FLOT1: variants seen among roughly 807,000 people sequenced by gnomAD.
FLOT1 encodes flotillin 1.
FLOT1 carries 40 observed loss-of-function variants against 58.4 expected under a neutral mutation model. The ratio of observed to expected loss-of-function variants is 0.69; its 90% CI spans 0.53 to 0.89. The LOEUF (loss-of-function observed/expected upper bound fraction) is 0.89. Among genes scored for constraint, FLOT1 ranks in the 40% least tolerant of loss-of-function variants. FLOT1 has a pLI of 0.00. For synonymous variants in FLOT1, 178 were observed against 204.2 expected, an observed-to-expected ratio of 0.87 and a Z score of 1.09; for missense variants, 423 against 540.8, an observed-to-expected ratio of 0.78 and a Z score of 2.16.
rs1406802600 is a variant in FLOT1 at position 30,740,749 on chromosome 6, G to T, written c.404C>A (p.Ala135Asp). 6.2e-6 allele frequency: 10 copies of T among 1,612,828 alleles called. No individual in the cohort carries two copies. Among genetic ancestry groups the T allele is most frequent in the Non-Finnish European group, 8.5e-6 (10 of 1,179,988 alleles). The change falls in exon 6 of 13, where the codon GCC becomes GAC. Residue 135 changes from alanine (A) to aspartate (D), a missense_variant. Around this residue, in one of 6 missense-constraint regions of FLOT1, gnomAD observed 137 missense variants for 194.6 expected, o/e 0.70. Coordinates refer to ENST00000376389, the MANE Select transcript of FLOT1 (RefSeq NM_005803.4). ...GCCCATGTTGACCAGGTCTGAGGAG[G>T]CCACTTTGAAAACCTGTTCTGAGAA... ...QKFSEQVFKVASSDLVNMGIS... is the reference protein window; with the variant it reads ...QKFSEQVFKVDSSDLVNMGIS...
chr6:30,735,619 G>C (rs1328845197), intron 8 of FLOT1, among the ~76,000 whole-genome samples: 2 of 152,024 alleles, frequency 1.3e-5, no homozygotes, highest in Non-Finnish European at 2.9e-5. Context: ...CTGGACAACA[G>C]AGTGAGAGAC....
At position 30,737,242 on chromosome 6, in the gene FLOT1, G is replaced by GTCCATCCATCCA. The variant is rs146050958; in HGVS notation, c.723+2915_723+2916insTGGATGGATGGA. ...CGTCCGTCCGTCCGTCCGTCCGTCC[G>GTCCATCCATCCA]TCCGTCCATCCGTCCATCCATCCAT... On this transcript the variant is annotated intron_variant, in intron 8 of 12. Transcript: ENST00000376389. This position sits in a 1 kb window ranked among gnomAD's most constrained non-coding sequence, Gnocchi z 4.4. Among the ~76,000 whole-genome samples, 714 of 145,834 alleles carry GTCCATCCATCCA rather than the reference G, an allele frequency of 4.9e-3. 5 individuals are homozygous for GTCCATCCATCCA. Among genetic ancestry groups the GTCCATCCATCCA allele is most frequent in the African/African-American group, 0.016 (608 of 38,542 alleles).
At position 30,737,242 on chromosome 6, in the gene FLOT1, G is replaced by GTCCATCCGTCCA. The variant is rs146050958; in HGVS notation, c.723+2915_723+2916insTGGACGGATGGA. Among the ~76,000 whole-genome samples, 7 of 145,848 alleles carry GTCCATCCGTCCA rather than the reference G, an allele frequency of 4.8e-5. No individual in the cohort carries two copies. Among genetic ancestry groups the GTCCATCCGTCCA allele is most frequent in the South Asian group, 2.2e-4 (1 of 4,558 alleles). On this transcript the variant is annotated intron_variant, in intron 8 of 12. Transcript: ENST00000376389. The surrounding 1 kb of genome is among the most constrained non-coding windows in gnomAD (Gnocchi z 4.4). The stretch of plus-strand genomic sequence containing the variant: ...CGTCCGTCCGTCCGTCCGTCCGTCC[G>GTCCATCCGTCCA]TCCGTCCATCCGTCCATCCATCCAT...
At chr6:30,731,821 G>A (rs906473778) in intron 8 of FLOT1, among the ~76,000 whole-genome samples, 3 of 152,112 alleles carry the variant, frequency 2.0e-5, no homozygotes, top group African/African-American at 7.2e-5. Context: ...AAAAAAAAGT[G>A]AACCACGAGG....
chr6:30,740,122 G>T (rs771181741), intron 8 of FLOT1, 36 bp downstream of exon 8: 1 of 1,606,452 alleles, frequency 6.2e-7, no homozygotes, highest in Non-Finnish European at 8.5e-7. Context: ...AGAGGAATGG[G>T]GAAGGGGCAG....
chr6:30,730,492 G>A lies in FLOT1; in HGVS notation c.1025C>T (p.Ala342Val). Residue 342 changes from alanine (A) to valine (V), a missense_variant, in exon 11 of 13, where the codon GCA (alanine) becomes GTA (valine). Around this residue, in one of 6 missense-constraint regions of FLOT1, gnomAD observed 42 missense variants for 74.4 expected, o/e 0.56. Transcript: ENST00000376389. ...CTCTTGGTACAGCTGGAAGGCTTCT[G>A]CCTTCTTGGCCATCTGCTCAGCCTC... The part of the protein sequence containing the change: ...RAEAEQMAKK[A>V]EAFQLYQEAA... The A allele has an allele frequency of 6.2e-7, 1 of 1,609,928 alleles. No homozygotes were observed. The highest frequency in any genetic ancestry group is 8.5e-7 in the Non-Finnish European group (1 of 1,176,912).
In FLOT1 at chr6:30,740,605, G is replaced by A. The variant is rs1429050873; in HGVS notation, c.475-14C>T. The stretch of plus-strand genomic sequence containing the variant: ...GTGCAAATAGTCCTGTGGGAGAGAT[G>A]TAGAAATTAGTCCTTTGGAGGGCTT... On this transcript the variant is annotated splice_polypyrimidine_tract_variant and intron_variant, in intron 6 of 12. Coordinates refer to ENST00000376389, the MANE Select transcript of FLOT1 (RefSeq NM_005803.4). 1 of 1,613,032 alleles carries A rather than the reference G, an allele frequency of 6.2e-7. No individual in the cohort carries two copies. Among genetic ancestry groups the A allele is most frequent in the South Asian group, 1.1e-5 (1 of 91,082 alleles).
At chr6:30,733,622 T>A (rs533325686) in intron 8 of FLOT1, among the ~76,000 whole-genome samples, 1 of 151,460 alleles carries the variant, frequency 6.6e-6, no homozygotes, top group East Asian at 2.0e-4. Context: ...ATACCTGTAG[T>A]CCCAGCTACT....
At chr6:30,731,587 G>A (rs1469735251) in intron 8 of FLOT1, among the ~76,000 whole-genome samples, 1 of 151,298 alleles carries the variant, frequency 6.6e-6, no homozygotes, top group East Asian at 1.9e-4. Flanking sequence ...ATGAGCCCCC[G>A]TTTAATCTAT....
At position 30,727,958 on chromosome 6, in the gene FLOT1, C is replaced by A; in HGVS notation, c.*158G>T. On this transcript the variant is annotated 3_prime_UTR_variant, in exon 13 of 13. Coordinates refer to ENST00000376389, the MANE Select transcript of FLOT1 (RefSeq NM_005803.4). ...TGTGAGGTTGGCAAGGGGAGCAACCCCCTTCAAGACAAGGCACAAACTATT... is the reference window on the plus strand; with the variant it reads ...TGTGAGGTTGGCAAGGGGAGCAACCACCTTCAAGACAAGGCACAAACTATT... 1.4e-6 allele frequency: 1 copy of A among 728,710 alleles called. No homozygotes were observed. The highest frequency in any genetic ancestry group is 2.5e-6 in the Non-Finnish European group (1 of 407,618). The allele number at this position is 728,710 out of a possible 1,614,324, so 45.1% of individuals were successfully genotyped here.
At chr6:30,729,003 C>T (rs536356689) in intron 12 of FLOT1, among the ~76,000 whole-genome samples, 48 of 152,024 alleles carry the variant, frequency 3.2e-4, no homozygotes, top group South Asian at 3.1e-3. Flanking sequence ...TGGTCTCAAT[C>T]TCCTGACCTC....
rs1388194960 is a variant in FLOT1, at chr6:30,737,404, A to C, written c.723+2754T>G. On this transcript the variant is annotated intron_variant, in intron 8 of 12. Coordinates refer to ENST00000376389, the MANE Select transcript of FLOT1 (RefSeq NM_005803.4). The surrounding 1 kb of genome is among the most constrained non-coding windows in gnomAD (Gnocchi z 4.4). Reference sequence around the variant, plus strand: ...CCCAAGTAGCTGGAACTGCAGGCTCAAACCACCACACCCGGCTAATATTTT... The same window carrying C: ...CCCAAGTAGCTGGAACTGCAGGCTCCAACCACCACACCCGGCTAATATTTT... 6.6e-6 allele frequency among the ~76,000 whole-genome samples: 1 copy of C among 151,972 alleles called. No individual in the cohort carries two copies. The highest frequency in any genetic ancestry group is 1.5e-5 in the Non-Finnish European group (1 of 67,978).
In FLOT1 at chr6:30,741,820, C is replaced by CAA; in HGVS notation, c.89_90dup (p.Val31LeufsTer17). The CAA allele has an allele frequency of 6.2e-7, 1 of 1,612,998 alleles. No homozygotes were observed. The highest frequency in any genetic ancestry group is 8.5e-7 in the Non-Finnish European group (1 of 1,180,036). On this transcript the variant is annotated frameshift_variant, in exon 3 of 13. Transcript: ENST00000376389. LOFTEE classifies it high-confidence loss of function. This position sits in a 1 kb window ranked among gnomAD's most constrained non-coding sequence, Gnocchi z 5.9. ...TGGATCTGTTGGATGCAGGGCAGGA[C>CAA]AAAGACACGCCCTCCAGCCACCATG...
At chr6:30,733,684 T>C (rs1777355623) in intron 8 of FLOT1, among the ~76,000 whole-genome samples, 1 of 144,630 alleles carries the variant, frequency 6.9e-6, no homozygotes, top group Non-Finnish European at 1.5e-5. Context: ...GAGGTTGCAG[T>C]AGCTGAGATC....
At chr6:30,731,159 C>CG in intron 8 of FLOT1, 59 bp from the exon 9 acceptor site, 3 of 1,501,392 alleles carry the variant, frequency 2.0e-6, no homozygotes, top group Non-Finnish European at 2.7e-6. Context: ...AGCAAGTGCC[C>CG]GGGAACCAGA....
Position 30,740,294 on chromosome 6 carries a change from T to G in FLOT1, c.587A>C (p.Gln196Pro). ...DAGIREAKAKQEKVSAQYLSE... is the reference protein window; with the variant it reads ...DAGIREAKAKPEKVSAQYLSE... ...CAGGTACTGAGCAGACACCTTTTCCTGCTTGGCTTTAGCTTCCTGTCCAAG... is the reference window on the plus strand; with the variant it reads ...CAGGTACTGAGCAGACACCTTTTCCGGCTTGGCTTTAGCTTCCTGTCCAAG... Residue 196 changes from glutamine (Q) to proline (P), a missense_variant, in exon 8 of 13, where the codon CAG becomes CCG. This residue lies in a region of FLOT1 where 137 missense variants were observed against 194.6 expected (regional missense o/e 0.70). Coordinates refer to ENST00000376389, the MANE Select transcript of FLOT1 (RefSeq NM_005803.4). 1.2e-6 allele frequency: 2 copies of G among 1,613,064 alleles called. No homozygotes were observed. The highest frequency in any genetic ancestry group is 1.7e-6 in the Non-Finnish European group (2 of 1,180,034).
chr6:30,741,927 C>G lies in FLOT1; in HGVS notation c.44-60G>C. ...AGCTTGAATGTGGAAGACTGAGGAA[C>G]TGGCGGGGGTGAGGGGACAGCAACC... On this transcript the variant is annotated intron_variant, in intron 2 of 12. Coordinates refer to ENST00000376389, the MANE Select transcript of FLOT1 (RefSeq NM_005803.4). This position sits in a 1 kb window ranked among gnomAD's most constrained non-coding sequence, Gnocchi z 5.9. 1 of 1,513,172 alleles carries G rather than the reference C, an allele frequency of 6.6e-7. No individual in the cohort carries two copies. The highest frequency in any genetic ancestry group is 1.1e-5 in the South Asian group (1 of 88,666). The allele number at this position is 1,513,172 out of a possible 1,614,324, so 93.7% of individuals were successfully genotyped here.
Position 30,731,103 on chromosome 6 carries a change from G to A in FLOT1, c.724-3C>T, listed in dbSNP as rs1195807051. On this transcript the variant is annotated splice_polypyrimidine_tract_variant and splice_region_variant and intron_variant, in intron 8 of 12. Coordinates refer to ENST00000376389, the MANE Select transcript of FLOT1 (RefSeq NM_005803.4). ...ATCTGCTGCTTAGTCTTGGCCACCTGGGTAGGAGGGTGAAGTCAGGTTCAC... is the reference window on the plus strand; with the variant it reads ...ATCTGCTGCTTAGTCTTGGCCACCTAGGTAGGAGGGTGAAGTCAGGTTCAC... 1 of 1,595,140 alleles carries A rather than the reference G, an allele frequency of 6.3e-7. No individual in the cohort carries two copies. The highest frequency in any genetic ancestry group is 1.7e-5 in the Admixed American group (1 of 59,418).
chr6:30,733,302 C>G (rs1400830417), intron 8 of FLOT1, among the ~76,000 whole-genome samples: 1 of 152,156 alleles, frequency 6.6e-6, no homozygotes, highest in Non-Finnish European at 1.5e-5. Context: ...TCCCAAAGTG[C>G]TGGGATTACA....
Sources: allele counts gnomAD v4.1 joint callset (sites outside exome capture counted in the v4.1 genomes callset), GRCh38; gene constraint gnomAD v4.1.1; regional missense constraint gnomAD v4.1.1; non-coding constraint Gnocchi (gnomAD v3.1); transcripts MANE v1.5; gene names NCBI Gene and HGNC (gene_info 2026-07-23, HGNC 2026-07-21).